Variants in CPB2 observed in about 807,000 individuals in gnomAD.
CPB2 encodes the protein carboxypeptidase B2.
Under a neutral mutation model 57.0 loss-of-function variants are expected in CPB2, and 54 were observed. The ratio of observed to expected loss-of-function variants is 0.95; its 90% confidence interval spans 0.76 to 1.19. The LOEUF is 1.19. Ranked by LOEUF, CPB2 falls within the 50% of genes most tolerant of loss-of-function variation. The probability of loss-of-function intolerance (pLI) is 0.00; values close to 1 mark genes in which losing one functional copy is unlikely to be tolerated. For synonymous variants in CPB2, 189 were observed against 178.1 expected (o/e 1.06, Z -0.49); for missense variants, 426 against 512.0 (o/e 0.83, Z 1.62).
At chr13:46,101,351 T>C (rs2045432102) in intron 1 of CPB2, 1 of 152,258 alleles carries the variant, frequency 6.6e-6, no homozygotes, top group African/African-American at 2.4e-5. Flanking sequence ...TAAATATAAT[T>C]CTTTTAAAGA....
chr13:46,056,941 G>A (rs921687082), intron 9 of CPB2, among the ~76,000 whole-genome samples: 4 of 152,150 alleles, frequency 2.6e-5, no homozygotes, highest in African/African-American at 7.2e-5. Context: ...ATTCTAGTTA[G>A]AAGTGAGTTG....
At chr13:46,087,182 A>T (rs2045222080) in intron 2 of CPB2, among the ~76,000 whole-genome samples, 1 of 152,152 alleles carries the variant, frequency 6.6e-6, no homozygotes, top group South Asian at 2.1e-4. Context: ...GCGCCTGGGG[A>T]GCATGAGGCT....
intron 1 of CPB2, chr13:46,100,845 AC>A (rs1199259018): frequency 6.6e-6 from 1 of 152,162 alleles, no homozygotes; most frequent in Non-Finnish European, 1.5e-5. Flanking sequence ...GCAAGTGAAA[AC>A]CTAGACAAAG....
intron 4 of CPB2, among the ~76,000 whole-genome samples, chr13:46,081,333 C>T (rs907272152): frequency 1.3e-5 from 2 of 152,124 alleles, no homozygotes; most frequent in African/African-American, 4.8e-5. Context: ...CCTCTCCCCA[C>T]CAAACTTATC....
chr13:46,082,879 C>G (rs1478335456), intron 3 of CPB2, among the ~76,000 whole-genome samples: 1 of 152,070 alleles, frequency 6.6e-6, no homozygotes, highest in Non-Finnish European at 1.5e-5. Context: ...GATTAATGTA[C>G]CTTTGTTCAA....
At position 46,066,150 on chromosome 13, in the gene CPB2, A is replaced by G. The variant is rs186401121; in HGVS notation, c.702+1157T>C. 6.5e-4 allele frequency among the ~76,000 whole-genome samples: 99 copies of G among 152,182 alleles called. 2 individuals carry two copies. The East Asian group carries it at 0.018, about 28-fold the overall frequency. On this transcript the variant is annotated intron_variant, in intron 7 of 10. Transcript: ENST00000181383. The stretch of plus-strand genomic sequence containing the variant: ...ATTCATGTGTAATTCCATGTTTCCA[A>G]TCACACCAACTAATCTTATTCCTCT...
At chr13:46,075,565 C>T (rs1343193767) in intron 5 of CPB2, among the ~76,000 whole-genome samples, 1 of 152,194 alleles carries the variant, frequency 6.6e-6, no homozygotes, top group Non-Finnish European at 1.5e-5. Flanking sequence ...ATACATGGAT[C>T]CAATCTGATT....
intron 6 of CPB2, among the ~76,000 whole-genome samples, chr13:46,072,564 A>G (rs2044959503): frequency 6.6e-6 from 1 of 152,194 alleles, no homozygotes; most frequent in Non-Finnish European, 1.5e-5. Flanking sequence ...GATCTGAAAC[A>G]TCATAGGCAA....
chr13:46,082,520 A>G lies in CPB2; in HGVS notation c.305T>C (p.Ile102Thr), dbSNP rs1182972478. 5 of 1,613,714 alleles carry G rather than the reference A, an allele frequency of 3.1e-6. No individual in the cohort carries two copies. The highest frequency in any genetic ancestry group is 1.7e-4 in the Middle Eastern group (1 of 6,060). ...SVLLADVEDL[I>T]QQQISNDTVS... ...TGTGTCGTTGGAAATCTGCTGTTGA[A>G]TAAGATCTTCCACATCTGCCAGCAA... Residue 102 changes from isoleucine (I) to threonine (T), a missense_variant, in exon 4 of 11, where the codon ATT becomes ACT. Ile to Thr is a moderately conservative substitution (Grantham distance 89). Coordinates refer to ENST00000181383, the MANE Select transcript of CPB2 (RefSeq NM_001872.5).
intron 1 of CPB2, among the ~76,000 whole-genome samples, chr13:46,102,998 A>G (rs1461502720): frequency 1.3e-5 from 2 of 152,196 alleles, no homozygotes; most frequent in Non-Finnish European, 2.9e-5. Context: ...TGAAGCAACA[A>G]ATAGTAACAA....
intron 2 of CPB2, 108 bp downstream of exon 2, chr13:46,087,637 A>G: frequency 1.4e-6 from 1 of 730,264 alleles, no homozygotes; most frequent in East Asian, 2.5e-5. Context: ...TATGAGAAGA[A>G]GAGTTCATAC....
chr13:46,070,414 G>A (rs1054449157), intron 6 of CPB2, among the ~76,000 whole-genome samples: 1 of 152,124 alleles, frequency 6.6e-6, no homozygotes, highest in Non-Finnish European at 1.5e-5. Flanking sequence ...AGAGGAGAAT[G>A]GAGAAGAGTG....
chr13:46,070,913 A>G (rs2044931327), intron 6 of CPB2, among the ~76,000 whole-genome samples: 1 of 152,240 alleles, frequency 6.6e-6, no homozygotes, highest in African/African-American at 2.4e-5. Context: ...ACAAGGGGAT[A>G]TTGAGCACCA....
At chr13:46,064,123 C>T (rs1033351999) in intron 8 of CPB2, among the ~76,000 whole-genome samples, 5 of 151,722 alleles carry the variant, frequency 3.3e-5, no homozygotes, top group South Asian at 2.1e-4. Flanking sequence ...TAGCCAGGCA[C>T]GGTGGCATAT....
intron 1 of CPB2, among the ~76,000 whole-genome samples, chr13:46,089,305 A>G (rs992952012): frequency 6.6e-6 from 1 of 152,144 alleles, no homozygotes; most frequent in Non-Finnish European, 1.5e-5. Flanking sequence ...CTCTTCCTGC[A>G]TAGACAGAAA....
intron 1 of CPB2, among the ~76,000 whole-genome samples, chr13:46,098,199 G>C (rs1476111286): frequency 6.6e-6 from 1 of 152,174 alleles, no homozygotes; most frequent in Non-Finnish European, 1.5e-5. Flanking sequence ...TCAGATCCTT[G>C]AGGATTGAGG....
chr13:46,067,605 C>T (rs1034941468), intron 6 of CPB2, among the ~76,000 whole-genome samples, 188 bp from the exon 7 acceptor site: 12 of 152,088 alleles, frequency 7.9e-5, no homozygotes, highest in South Asian at 2.1e-4. Context: ...ATGCCTTACA[C>T]GTGGTCCAGT....
At chr13:46,079,015 C>T (rs562435484) in intron 4 of CPB2, 114 bp from the exon 5 acceptor site, 46 of 658,170 alleles carry the variant, frequency 7.0e-5, no homozygotes, top group African/African-American at 5.1e-4. Flanking sequence ...GTGGAATGCA[C>T]GAGGACCTAA....
In CPB2 at chr13:46,064,577, C is replaced by A. The variant is rs1359649593; in HGVS notation, c.796+71G>T. On this transcript the variant is annotated intron_variant, in intron 8 of 10. Transcript: ENST00000181383. ...GCCAGCTCTGTATTTAATTTGAATT[C>A]ATGGGCCTTTCCCTGTGAACATCAC... 2.5e-6 allele frequency: 3 copies of A among 1,219,808 alleles called. No individual in the cohort carries two copies. The Admixed American group carries it at 5.1e-5, about 21-fold the overall frequency. The allele number at this position is 1,219,808 out of a possible 1,614,324, so 75.6% of individuals were successfully genotyped here.
Sources: gnomAD v4.1 joint callset for allele counts (sites outside exome capture counted in the v4.1 genomes callset) on GRCh38, gnomAD v4.1.1 for gene constraint, MANE v1.5 for transcripts, NCBI Gene and HGNC (gene_info 2026-07-23, HGNC 2026-07-21) for gene names.